The following MED16 variants were observed in gnomAD, a reference collection of about 807,000 sequenced individuals.
MED16 encodes the protein mediator of RNA polymerase II transcription subunit 16.
Under a neutral mutation model 84.4 loss-of-function variants are expected in MED16, and 81 were observed. The ratio of observed to expected loss-of-function variants is 0.96; its 90% CI spans 0.80 to 1.15. MED16 has a LOEUF of 1.15. Ranked by LOEUF, MED16 falls within the 50% of genes most tolerant of loss-of-function variation. The pLI is 0.00. For synonymous variants in MED16, 897 were observed against 552.2 expected, an observed-to-expected ratio of 1.62 and a Z score of -8.76; for missense variants, 1,585 against 1,245.9, an observed-to-expected ratio of 1.27 and a Z score of -4.10.
Position 884,907 on chromosome 19 carries a change from G to C in MED16, c.981C>G (p.Pro327=), listed in dbSNP as rs146721272. ...PVNNIFQQIS[P]VVGDKQPTIL... ...CGCAGCCGGCGGGAGACTCACCCAC[G>C]GGGGAGATCTGCTGGAAGATGTTGT... The change falls in exon 6 of 16, where the codon CCC becomes CCG. Residue 327 remains proline (P), a synonymous_variant. Transcript: ENST00000325464. 2.5e-6 allele frequency: 4 copies of C among 1,605,548 alleles called. No homozygotes were observed. Among genetic ancestry groups the C allele is most frequent in the South Asian group, 1.1e-5 (1 of 90,308 alleles).
Position 871,235 on chromosome 19 carries a change from G to C in MED16, c.2117C>G (p.Ala706Gly). 6.5e-7 allele frequency: 1 copy of C among 1,539,954 alleles called. No homozygotes were observed. Among genetic ancestry groups the C allele is most frequent in the Non-Finnish European group, 8.8e-7 (1 of 1,139,036 alleles). The change falls in exon 13 of 16, where the codon GCG becomes GGG. Residue 706 changes from alanine (A) to glycine (G), a missense_variant. By Grantham distance (60) the Ala-to-Gly change is moderately conservative. Coordinates refer to ENST00000325464, the MANE Select transcript of MED16 (RefSeq NM_005481.3). ...CACCAGCGCCTCGTCCGGCTCGCTC[G>C]CTGGGCCCTCATCGCGACCTGCGGA... ...LWICCRDEGPASEPDEALVDE... is the reference protein window; with the variant it reads ...LWICCRDEGPGSEPDEALVDE...
chr19:891,958 G>C (rs1394050934), intron 1 of MED16, among the ~76,000 whole-genome samples: 1 of 138,256 alleles, frequency 7.2e-6, no homozygotes, highest in Non-Finnish European at 1.6e-5. Context: ...CGAGCCGGGG[G>C]CTGAGTGTGA....
chr19:880,009 G>A lies in MED16; in HGVS notation c.1281C>T (p.Pro427=), dbSNP rs745809946. 2.0e-5 allele frequency: 33 copies of A among 1,609,880 alleles called. No individual in the cohort carries two copies. The highest frequency in any genetic ancestry group is 5.3e-5 in the African/African-American group (4 of 74,844). Residue 427 remains proline (P), a synonymous_variant, in exon 8 of 16, where the codon CCC becomes CCT. Coordinates refer to ENST00000325464, the MANE Select transcript of MED16 (RefSeq NM_005481.3). ...GCTGCATAGCCTTTAAGTGGACGGC[G>A]GGGCCCGCGGTGCGGGGGCGCTTCA... is the stretch of plus-strand genomic sequence containing the variant. The part of the protein sequence containing the change: ...PAMKRPRTAG[P]AVHLKAMQLS...
chr19:877,464 A>C (rs1220424512), intron 8 of MED16, among the ~76,000 whole-genome samples: 2 of 150,086 alleles, frequency 1.3e-5, no homozygotes, highest in Non-Finnish European at 3.0e-5. Flanking sequence ...TACCCCGTGA[A>C]AGGCGGTCCT....
At chr19:873,814 C>A (rs1270232221) in intron 10 of MED16, among the ~76,000 whole-genome samples, 1 of 152,114 alleles carries the variant, frequency 6.6e-6, no homozygotes, top group Admixed American at 6.5e-5. Context: ...CAGCTTCTCT[C>A]GGCCTGCAGG....
At chr19:873,181 G>C (rs2036134554) in intron 11 of MED16, 3 of 500,286 alleles carry the variant, frequency 6.0e-6, no homozygotes, top group Non-Finnish European at 1.0e-5. Context: ...GCTAGGAAGT[G>C]GGGCAGGGCT....
intron 6 of MED16, among the ~76,000 whole-genome samples, chr19:884,231 C>G (rs975926179): frequency 2.6e-5 from 4 of 152,246 alleles, no homozygotes; most frequent in African/African-American, 9.6e-5. Context: ...GGCCCGCAGC[C>G]TCCGAGGCTC....
intron 12 of MED16, chr19:871,645 A>G (rs2036060917): frequency 3.8e-6 from 6 of 1,591,022 alleles, no homozygotes; most frequent in African/African-American, 1.4e-5. Flanking sequence ...CACACAGAGC[A>G]TGGACCTGTG....
intron 7 of MED16, among the ~76,000 whole-genome samples, chr19:880,952 G>C (rs953598004): frequency 2.0e-5 from 3 of 151,848 alleles, no homozygotes; most frequent in African/African-American, 7.3e-5. Context: ...AAAAAATAGA[G>C]CCTGGAAAAT....
chr19:877,941 G>A (rs1599329078), intron 8 of MED16, among the ~76,000 whole-genome samples: 3 of 110,002 alleles, frequency 2.7e-5, no homozygotes, highest in African/African-American at 1.1e-4. Context: ...TCCCGTGGTT[G>A]TCAATGCCCA....
chr19:871,390 G>T, intron 12 of MED16, 137 bp from the exon 13 acceptor site: 1 of 1,302,618 alleles, frequency 7.7e-7, no homozygotes, highest in Non-Finnish European at 1.0e-6. Context: ...GGGTGACCCC[G>T]GGGTTCTCTC....
At chr19:878,178 G>C (rs144451134) in intron 8 of MED16, among the ~76,000 whole-genome samples, 1 of 24,718 alleles carries the variant, frequency 4.0e-5, no homozygotes, top group African/African-American at 1.5e-4. Flanking sequence ...AATGCCCACC[G>C]AGCCCAGCCC....
Position 885,814 on chromosome 19 carries a change from C to G in MED16, c.835G>C (p.Ala279Pro), listed in dbSNP as rs1182674801. ...TDLNRKDKFP[A>P]ITHLKFLARD... Reference sequence around the variant, plus strand: ...GCCAGGAACTTGAGGTGGGTGATGGCGGGAAACTTGTCCTTGCGGTTGAGG... The same window carrying G: ...GCCAGGAACTTGAGGTGGGTGATGGGGGGAAACTTGTCCTTGCGGTTGAGG... Residue 279 changes from alanine to proline, a missense_variant, in exon 5 of 16, where the codon GCC becomes CCC. Ala to Pro is a conservative substitution (Grantham distance 27). Coordinates refer to ENST00000325464, the MANE Select transcript of MED16 (RefSeq NM_005481.3). 6.2e-6 allele frequency: 10 copies of G among 1,612,774 alleles called. No homozygotes were observed. Among genetic ancestry groups the G allele is most frequent in the Non-Finnish European group, 6.8e-6 (8 of 1,179,944 alleles).
At chr19:868,663 C>G (rs1186202354) in intron 14 of MED16, among the ~76,000 whole-genome samples, 164 bp from the exon 15 acceptor site, 2 of 152,132 alleles carry the variant, frequency 1.3e-5, no homozygotes, top group Non-Finnish European at 2.9e-5. Flanking sequence ...TCTCCTCCCC[C>G]CAGCAATGCT....
chr19:868,406 C>G lies in MED16; in HGVS notation c.2483+10G>C, dbSNP rs1329760607. ...AGCTGAGGGGCACCCGCCACCAGAG[C>G]CCACCGCACAGGCAGTTCTTGATCC... On this transcript the variant is annotated intron_variant, in intron 15 of 15. Coordinates refer to ENST00000325464, the MANE Select transcript of MED16 (RefSeq NM_005481.3). The G allele has an allele frequency of 1.9e-6, 3 of 1,608,862 alleles. No individual in the cohort carries two copies. In the African/African-American group the frequency reaches 4.0e-5, roughly 21 times the overall value.
At chr19:887,558 C>G (rs1381152291) in intron 4 of MED16, among the ~76,000 whole-genome samples, 1 of 151,778 alleles carries the variant, frequency 6.6e-6, no homozygotes, top group South Asian at 2.1e-4. Flanking sequence ...TCCAGCTACT[C>G]GGGAGGCTGA....
Position 880,036 on chromosome 19 carries a change from G to A in MED16, c.1254C>T (p.Ala418=), listed in dbSNP as rs1214137871. The change falls in exon 8 of 16, where the codon GCC becomes GCT. Residue 418 remains alanine (A), a synonymous_variant. Coordinates refer to ENST00000325464, the MANE Select transcript of MED16 (RefSeq NM_005481.3). ...GGCCCGCGGTGCGGGGGCGCTTCATGGCCGGCTCATCCACAGGCCTCGGGG... is the reference window on the plus strand; with the variant it reads ...GGCCCGCGGTGCGGGGGCGCTTCATAGCCGGCTCATCCACAGGCCTCGGGG... ...SAAPRPVDEP[A]MKRPRTAGPA... 13 of 1,610,876 alleles carry A rather than the reference G, an allele frequency of 8.1e-6. No individual in the cohort carries two copies. Among genetic ancestry groups the A allele is most frequent in the Admixed American group, 3.3e-5 (2 of 59,870 alleles).
chr19:890,081 C>G, intron 3 of MED16, 56 bp downstream of exon 3: 1 of 1,335,008 alleles, frequency 7.5e-7, no homozygotes, highest in Non-Finnish European at 1.0e-6. Flanking sequence ...AACACAGGGC[C>G]CCCCTGCTCC....
intron 10 of MED16, 81 bp downstream of exon 10, chr19:875,163 C>G (rs1251797600): frequency 1.5e-5 from 15 of 1,030,698 alleles, no homozygotes; most frequent in Admixed American, 3.1e-5. Context: ...GACCCTATCT[C>G]AAAAGAGTAA....
Sources: allele counts gnomAD v4.1 joint callset (sites outside exome capture counted in the v4.1 genomes callset), GRCh38; gene constraint gnomAD v4.1.1; transcripts MANE v1.5; gene names NCBI Gene and HGNC (gene_info 2026-07-23, HGNC 2026-07-21).